The following GPC6 variants were observed in gnomAD, a reference collection of about 807,000 sequenced individuals.
GPC6 encodes the protein glypican 6.
In GPC6, 14 loss-of-function variants were observed where a neutral mutation model predicts 55.2. The observed-to-expected ratio is 0.25, with a 90% CI of 0.17 to 0.40. GPC6 has a LOEUF of 0.40. Ranked by LOEUF, GPC6 falls within the 10% of genes least tolerant of loss-of-function variation. The pLI is 1.00. For synonymous variants in GPC6, 278 were observed against 259.6 expected, an observed-to-expected ratio of 1.07 and a Z score of -0.68; for missense variants, 641 against 708.5, an observed-to-expected ratio of 0.90 and a Z score of 1.08.
At chr13:93,844,326 A>T (rs144866565) in intron 3 of GPC6, among the ~76,000 whole-genome samples, 1,796 of 152,088 alleles carry the variant, frequency 0.012, 32 homozygotes, top group African/African-American at 0.038. Flanking sequence ...TTTAGTAGAG[A>T]CGGGGTTTCA....
chr13:93,500,108 C>T (rs1039849996), intron 1 of GPC6, among the ~76,000 whole-genome samples: 1 of 152,068 alleles, frequency 6.6e-6, no homozygotes, highest in African/African-American at 2.4e-5. Flanking sequence ...TTTTGGCATT[C>T]TTTGGCATAC....
chr13:93,222,844 T>A (rs1250526080), upstream of GPC6, among the ~76,000 whole-genome samples: 2 of 152,100 alleles, frequency 1.3e-5, no homozygotes, highest in African/African-American at 4.8e-5. Context: ...AAGTTGGAAG[T>A]CCTAAGGCTG....
Position 94,184,189 on chromosome 13 carries a change from G to A in GPC6, c.878-102160G>A, listed in dbSNP as rs186405115. 2.6e-3 allele frequency among the ~76,000 whole-genome samples: 403 copies of A among 152,108 alleles called. 1 individual carries two copies. Among genetic ancestry groups the A allele is most frequent in the African/African-American group, 9.1e-3 (377 of 41,512 alleles). On this transcript the variant is annotated intron_variant, in intron 4 of 8. Coordinates refer to ENST00000377047, the MANE Select transcript of GPC6 (RefSeq NM_005708.5). ...TCTAAAAATCGTAGAAGAAAACCTA[G>A]GAAATATCCTTCTCAACATCAACCT...
rs1479488724 is a variant in GPC6, at chr13:94,403,070, C to T, written c.1521C>T (p.Pro507=). Residue 507 remains proline (P), a synonymous_variant, in exon 9 of 9, where the codon CCC becomes CCT. Coordinates refer to ENST00000377047, the MANE Select transcript of GPC6 (RefSeq NM_005708.5). ...SGSGCMDDVC[P]TEFEFVTTEA... ...GTGGGTGCATGGATGACGTGTGTCC[C>T]ACGGAGTTTGAGTTTGTCACCACAG... is the stretch of plus-strand genomic sequence containing the variant. 1 of 1,613,784 alleles carries T rather than the reference C, an allele frequency of 6.2e-7. No individual in the cohort carries two copies. The highest frequency in any genetic ancestry group is 1.3e-5 in the African/African-American group (1 of 75,038).
chr13:93,287,621 T>C (rs1272744280), intron 1 of GPC6, among the ~76,000 whole-genome samples: 2 of 152,226 alleles, frequency 1.3e-5, no homozygotes, highest in Non-Finnish European at 2.9e-5. Context: ...GTAGCACATA[T>C]TGCATTTATA....
At chr13:93,381,510 T>C (rs904643219) in intron 1 of GPC6, among the ~76,000 whole-genome samples, 1 of 152,180 alleles carries the variant, frequency 6.6e-6, no homozygotes, top group Non-Finnish European at 1.5e-5. Context: ...TTCAGGTCTC[T>C]GAAATAAGAA....
chr13:94,311,776 A>G (rs1876258739), intron 6 of GPC6, among the ~76,000 whole-genome samples: 2 of 152,172 alleles, frequency 1.3e-5, no homozygotes, highest in South Asian at 4.1e-4. Context: ...GTAAATCTGG[A>G]ACAGGAACGC....
At chr13:93,853,578 T>G (rs780544036) in intron 3 of GPC6, among the ~76,000 whole-genome samples, 1 of 151,648 alleles carries the variant, frequency 6.6e-6, no homozygotes, top group Non-Finnish European at 1.5e-5. Context: ...AAAAAAAATA[T>G]GAATTTTAAA....
At chr13:93,641,580 G>A (rs1056015913) in intron 2 of GPC6, among the ~76,000 whole-genome samples, 5 of 152,068 alleles carry the variant, frequency 3.3e-5, no homozygotes, top group African/African-American at 1.2e-4. Flanking sequence ...CTTACTCAAA[G>A]TAGGAAGCTG....
intron 1 of GPC6, among the ~76,000 whole-genome samples, chr13:93,234,948 C>T (rs1401991417): frequency 6.6e-6 from 1 of 151,954 alleles, no homozygotes; most frequent in Non-Finnish European, 1.5e-5. Flanking sequence ...GTAGAACTAT[C>T]AAAATACATG....
intron 2 of GPC6, among the ~76,000 whole-genome samples, chr13:93,702,684 G>A (rs1055594558): frequency 1.4e-4 from 22 of 151,868 alleles, no homozygotes; most frequent in African/African-American, 4.4e-4. Flanking sequence ...GATAACTTGC[G>A]GCAGCTCCTC....
chr13:93,887,000 A>G (rs1315764348), intron 3 of GPC6, among the ~76,000 whole-genome samples: 2 of 151,920 alleles, frequency 1.3e-5, no homozygotes, highest in Non-Finnish European at 2.9e-5. Context: ...TGTTTAACTC[A>G]ATGATAATAA....
At chr13:93,265,883 G>A (rs1014542120) in intron 1 of GPC6, among the ~76,000 whole-genome samples, 6 of 151,794 alleles carry the variant, frequency 4.0e-5, no homozygotes, top group African/African-American at 1.5e-4. Flanking sequence ...CAACTGGCAG[G>A]AGCCACCGCA....
chr13:94,337,613 A>G (rs773832870), intron 6 of GPC6, among the ~76,000 whole-genome samples: 1 of 151,772 alleles, frequency 6.6e-6, no homozygotes, highest in South Asian at 2.1e-4. Flanking sequence ...ACATCTGGCT[A>G]ATTTTTGTAT....
intron 2 of GPC6, among the ~76,000 whole-genome samples, chr13:93,732,841 A>T (rs998189007): frequency 1.3e-5 from 2 of 152,164 alleles, no homozygotes; most frequent in Non-Finnish European, 2.9e-5. Flanking sequence ...ATTAATCTTA[A>T]TATTTTCGAT....
intron 3 of GPC6, among the ~76,000 whole-genome samples, chr13:93,856,034 A>T (rs1420000542): frequency 1.3e-5 from 2 of 151,556 alleles, no homozygotes; most frequent in Admixed American, 6.6e-5. Flanking sequence ...TTTAATTTTA[A>T]TGAAGTCCAG....
At chr13:93,635,520 G>T (rs1879654613) in intron 2 of GPC6, among the ~76,000 whole-genome samples, 1 of 152,158 alleles carries the variant, frequency 6.6e-6, no homozygotes, top group African/African-American at 2.4e-5. Context: ...TGCAAGCAAA[G>T]ATTTGGATCC....
rs556781128 is a variant in GPC6, at chr13:94,403,385, G to C, written c.*168G>C. 2 of 681,214 alleles carry C rather than the reference G, an allele frequency of 2.9e-6. No homozygotes were observed. Among genetic ancestry groups the C allele is most frequent in the African/African-American group, 1.8e-5 (1 of 56,856 alleles). 42.2% of individuals were successfully genotyped at this position (681,214 alleles called of 1,614,324 possible). ...CCTTTTTGTTTTCCCAAAGAGTACC[G>C]GGTGCCAGACTGAACTGCTTCCTCT... On this transcript the variant is annotated 3_prime_UTR_variant, in exon 9 of 9. Coordinates refer to ENST00000377047, the MANE Select transcript of GPC6 (RefSeq NM_005708.5).
rs563381636 is a variant in GPC6 at position 93,488,369 on chromosome 13, T to C, written c.161-56894T>C. On this transcript the variant is annotated intron_variant, in intron 1 of 8. Coordinates refer to ENST00000377047, the MANE Select transcript of GPC6 (RefSeq NM_005708.5). The stretch of plus-strand genomic sequence containing the variant: ...CACATTTTCTTAATCTAGTCTATCA[T>C]TGATGGACATTTGGGTTGGATCCAA... Among the ~76,000 whole-genome samples the C allele has an allele frequency of 3.3e-5, 5 of 152,334 alleles. No homozygotes were observed. The South Asian group carries it at 8.3e-4, about 25-fold the overall frequency.
Sources: gnomAD v4.1 joint callset for allele counts (sites outside exome capture counted in the v4.1 genomes callset) on GRCh38, gnomAD v4.1.1 for gene constraint, MANE v1.5 for transcripts, NCBI Gene and HGNC (gene_info 2026-07-23, HGNC 2026-07-21) for gene names.